Variants in CREBRF observed in about 807,000 individuals in gnomAD.
CREBRF encodes CREB3 regulatory factor.
In CREBRF, 5 loss-of-function variants were observed where a neutral mutation model predicts 66.1. The observed-to-expected ratio is 0.08, with a 90% CI of 0.04 to 0.16. The LOEUF is 0.16. Among genes scored for constraint, CREBRF ranks in the 10% least tolerant of loss-of-function variants. The pLI, the probability that CREBRF is intolerant of heterozygous loss-of-function variation, is 1.00. For synonymous variants in CREBRF, 229 were observed against 264.4 expected, an observed-to-expected ratio of 0.87 and a Z score of 1.30; for missense variants, 531 against 744.9, an observed-to-expected ratio of 0.71 and a Z score of 3.34.
At chr5:173,058,905 C>G (rs1262484977) in intron 1 of CREBRF, among the ~76,000 whole-genome samples, 2 of 150,242 alleles carry the variant, frequency 1.3e-5, no homozygotes, top group Non-Finnish European at 3.0e-5. Context: ...TAGCAATTCT[C>G]CTGCCTCAGC....
intron 1 of CREBRF, among the ~76,000 whole-genome samples, chr5:173,068,381 G>T (rs1357297109): frequency 6.6e-6 from 1 of 152,124 alleles, no homozygotes; most frequent in Non-Finnish European, 1.5e-5. Flanking sequence ...CTCTTTATTA[G>T]AAACTATGCA....
At chr5:173,079,063 C>T (rs536924840) in intron 1 of CREBRF, among the ~76,000 whole-genome samples, 3 of 152,122 alleles carry the variant, frequency 2.0e-5, no homozygotes, top group South Asian at 2.1e-4. Flanking sequence ...TGTAGGACGA[C>T]GGCATGAGGT....
At chr5:173,097,137 C>A (rs148490776) in intron 4 of CREBRF, among the ~76,000 whole-genome samples, 1 of 152,288 alleles carries the variant, frequency 6.6e-6, no homozygotes, top group African/African-American at 2.4e-5. Context: ...TGGAAATGTT[C>A]TCTCCTCTAC....
Position 173,080,679 on chromosome 5 carries a change from A to C in CREBRF, c.-97A>C. 7.9e-7 allele frequency: 1 copy of C among 1,262,096 alleles called. No individual in the cohort carries two copies. Among genetic ancestry groups the C allele is most frequent in the Non-Finnish European group, 1.2e-6 (1 of 868,284 alleles). 78.2% of individuals were successfully genotyped at this position (1,262,096 alleles called of 1,614,324 possible). A position where few individuals can be genotyped will look rare whatever the true frequency, so the allele number is the denominator to read the frequency against. On this transcript the variant is annotated 5_prime_UTR_variant, in exon 2 of 9. Transcript: ENST00000296953. The stretch of plus-strand genomic sequence containing the variant: ...AAACCTGCTGTTTATTGTGGAAATC[A>C]TCTTCGATCTTGGAATTGAAAGTAA...
chr5:173,057,095 C>T (rs1433330103), intron 1 of CREBRF, among the ~76,000 whole-genome samples: 2 of 152,010 alleles, frequency 1.3e-5, no homozygotes, highest in African/African-American at 4.8e-5. Flanking sequence ...GAGGGGCCTC[C>T]CTCCCGGGAT....
intron 5 of CREBRF, 135 bp from the exon 6 acceptor site, chr5:173,110,387 T>C (rs1446474469): frequency 4.1e-6 from 3 of 738,920 alleles, no homozygotes; most frequent in Non-Finnish European, 7.4e-6. Flanking sequence ...TTAAACATGC[T>C]AAGACTTCTG....
chr5:173,130,385 C>T (rs1373124905), intron 8 of CREBRF, among the ~76,000 whole-genome samples: 2 of 152,120 alleles, frequency 1.3e-5, no homozygotes, highest in East Asian at 3.8e-4. Context: ...TTAACTGTAA[C>T]ATAAAATGTA....
chr5:173,097,877 T>C (rs1758515796), intron 4 of CREBRF, among the ~76,000 whole-genome samples: 1 of 152,148 alleles, frequency 6.6e-6, no homozygotes. Flanking sequence ...ATTCATTTAT[T>C]TCTGCTCTGA....
chr5:173,122,569 TTTATTA>T (rs200659735), intron 7 of CREBRF, among the ~76,000 whole-genome samples: 12,992 of 131,938 alleles, frequency 0.098, 637 homozygotes, highest in Middle Eastern at 0.17. Flanking sequence ...TATTATTTCT[TTTATTA>T]TTATTATTAT....
chr5:173,103,834 A>G (rs1758685513), intron 4 of CREBRF, among the ~76,000 whole-genome samples: 1 of 152,212 alleles, frequency 6.6e-6, no homozygotes, highest in Non-Finnish European at 1.5e-5. Context: ...CAGCTTATTG[A>G]CAGTAGTCTG....
intron 8 of CREBRF, among the ~76,000 whole-genome samples, chr5:173,128,714 ATTTG>A (rs1759332627): frequency 6.6e-6 from 1 of 152,002 alleles, no homozygotes; most frequent in Non-Finnish European, 1.5e-5. Flanking sequence ...TATTATTTAT[ATTTG>A]TTTGGTATTC....
intron 4 of CREBRF, among the ~76,000 whole-genome samples, chr5:173,099,848 T>C (rs1267088267): frequency 1.3e-5 from 2 of 151,906 alleles, no homozygotes; most frequent in African/African-American, 4.8e-5. Context: ...ACAGTTAACA[T>C]CTTTTCATAT....
At chr5:173,069,720 C>T (rs1028928106) in intron 1 of CREBRF, among the ~76,000 whole-genome samples, 5 of 152,084 alleles carry the variant, frequency 3.3e-5, no homozygotes, top group African/African-American at 9.7e-5. Flanking sequence ...AAAGTGGCAC[C>T]GAGCTTTTCT....
In CREBRF at chr5:173,087,082, G is replaced by T. The variant is rs989604407; in HGVS notation, c.135+456G>T. On this transcript the variant is annotated intron_variant, in intron 3 of 8. Transcript: ENST00000296953. ...CTACCTCAGCCTCCCAAGTAGCTGG[G>T]ATTACAGCCACCTGGCACCATGCCC... Among the ~76,000 whole-genome samples, 4 of 152,104 alleles carry T rather than the reference G, an allele frequency of 2.6e-5. No homozygotes were observed. In the Middle Eastern group the frequency reaches 0.01, roughly 388 times the overall value.
chr5:173,110,419 A>G lies in CREBRF; in HGVS notation c.1418-103A>G, dbSNP rs762990115. The G allele has an allele frequency of 1.3e-5, 11 of 832,124 alleles. No homozygotes were observed. The East Asian group carries it at 2.7e-4, about 20-fold the overall frequency. The allele number at this position is 832,124 out of a possible 1,614,324, so 51.5% of individuals were successfully genotyped here. ...TCTGAAACATGCCAAGACTTCTGAA[A>G]AGAAAAGGTAGTGGTGGGAAGTGGT... is the stretch of plus-strand genomic sequence containing the variant. On this transcript the variant is annotated intron_variant, in intron 5 of 8. Transcript: ENST00000296953.
At chr5:173,071,792 A>G (rs940959883) in intron 1 of CREBRF, among the ~76,000 whole-genome samples, 2 of 151,298 alleles carry the variant, frequency 1.3e-5, no homozygotes, top group Non-Finnish European at 2.9e-5. Context: ...ATGGTGGCTC[A>G]TGCCTGTAAT....
intron 5 of CREBRF, chr5:173,109,397 G>A (rs1467998833): frequency 3.9e-5 from 6 of 152,256 alleles, no homozygotes; most frequent in African/African-American, 9.7e-5. Context: ...GATCACTTGA[G>A]TCCAGGAGTT....
intron 8 of CREBRF, among the ~76,000 whole-genome samples, chr5:173,130,905 C>T (rs562625695): frequency 6.6e-6 from 1 of 151,932 alleles, no homozygotes; most frequent in Non-Finnish European, 1.5e-5. Flanking sequence ...CAGGGTTTCA[C>T]CATGTTGGCC....
At chr5:173,122,826 T>C (rs1581046064) in intron 7 of CREBRF, among the ~76,000 whole-genome samples, 1 of 132,218 alleles carries the variant, frequency 7.6e-6, no homozygotes, top group South Asian at 2.5e-4. Flanking sequence ...TCAATTCCCA[T>C]CTATGAGTGA....
Sources: allele counts gnomAD v4.1 joint callset (sites outside exome capture counted in the v4.1 genomes callset), GRCh38; gene constraint gnomAD v4.1.1; transcripts MANE v1.5; gene names NCBI Gene and HGNC (gene_info 2026-07-23, HGNC 2026-07-21).